Variants in TP63 observed in about 807,000 individuals in gnomAD.
TP63 encodes tumor protein p63.
Under a neutral mutation model 82.8 loss-of-function variants are expected in TP63, and 17 were observed. The ratio of observed to expected loss-of-function variants is 0.21; its 90% confidence interval spans 0.14 to 0.31. TP63 has a LOEUF of 0.31. Among genes scored for constraint, TP63 ranks in the 10% least tolerant of loss-of-function variants. The probability of loss-of-function intolerance (pLI) is 1.00; values close to 1 mark genes in which losing one functional copy is unlikely to be tolerated. For synonymous variants in TP63, 330 were observed against 321.7 expected (o/e 1.03, Z -0.28); for missense variants, 648 against 895.3 (o/e 0.72, Z 3.52).
chr3:189,773,760 T>G (rs1723552329), intron 3 of TP63, among the ~76,000 whole-genome samples: 1 of 152,102 alleles, frequency 6.6e-6, no homozygotes, highest in Non-Finnish European at 1.5e-5. Flanking sequence ...AGGGTATTTG[T>G]TAAATCATAG....
intron 3 of TP63, among the ~76,000 whole-genome samples, chr3:189,750,998 T>A (rs1442025946): frequency 6.6e-6 from 1 of 152,006 alleles, no homozygotes; most frequent in Admixed American, 6.6e-5. Flanking sequence ...GGCCCTGATG[T>A]GTGATGTTCC....
chr3:189,819,110 A>G (rs1273082172), intron 4 of TP63, among the ~76,000 whole-genome samples: 1 of 152,214 alleles, frequency 6.6e-6, no homozygotes, highest in African/African-American at 2.4e-5. Context: ...AGGAATTTGG[A>G]ATAACTTTTT....
chr3:189,642,547 T>G (rs1711988887), intron 1 of TP63, among the ~76,000 whole-genome samples: 1 of 137,118 alleles, frequency 7.3e-6, no homozygotes, highest in South Asian at 2.3e-4. Context: ...TATATGTCTA[T>G]TTTTTTTTTC....
At chr3:189,675,328 G>C (rs993435952) in intron 1 of TP63, among the ~76,000 whole-genome samples, 2 of 151,900 alleles carry the variant, frequency 1.3e-5, no homozygotes, top group African/African-American at 2.4e-5. Context: ...CAAGAAGACT[G>C]TCATCAGAAG....
intron 4 of TP63, among the ~76,000 whole-genome samples, chr3:189,832,152 A>G (rs1228982484): frequency 1.3e-5 from 2 of 152,086 alleles, no homozygotes; most frequent in African/African-American, 4.8e-5. Flanking sequence ...TAATAGAGGG[A>G]AATGAATCTT....
chr3:189,692,710 T>A (rs1402109419), intron 1 of TP63, among the ~76,000 whole-genome samples: 1 of 152,232 alleles, frequency 6.6e-6, no homozygotes, highest in Admixed American at 6.5e-5. Flanking sequence ...CACAGAATCA[T>A]TGATTCAGAG....
intron 12 of TP63, 138 bp downstream of exon 12, chr3:189,889,622 T>G: frequency 2.5e-6 from 3 of 1,187,956 alleles, no homozygotes; most frequent in Non-Finnish European, 3.6e-6. Context: ...CTATTATCTC[T>G]GATCTGTGGA....
chr3:189,628,260 G>T (rs931884760), upstream of TP63, among the ~76,000 whole-genome samples: 1 of 152,170 alleles, frequency 6.6e-6, no homozygotes, highest in Non-Finnish European at 1.5e-5. Flanking sequence ...GTGAATATGC[G>T]CAGATGGAGT....
chr3:189,770,169 A>G (rs554976529), intron 3 of TP63, among the ~76,000 whole-genome samples: 8 of 152,322 alleles, frequency 5.3e-5, no homozygotes, highest in African/African-American at 1.9e-4. Context: ...AATGCTGCAT[A>G]TTGCCTTGAT....
intron 4 of TP63, among the ~76,000 whole-genome samples, chr3:189,848,511 A>G (rs1715226862): frequency 6.6e-6 from 1 of 152,018 alleles, no homozygotes; most frequent in African/African-American, 2.4e-5. Context: ...GAGCCACTGA[A>G]CTTGGCCCCT....
intron 4 of TP63, among the ~76,000 whole-genome samples, chr3:189,841,894 T>C (rs1714173260): frequency 6.6e-6 from 1 of 152,174 alleles, no homozygotes; most frequent in South Asian, 2.1e-4. Context: ...TGAGGCTTTG[T>C]CTTGGACCAG....
intron 9 of TP63, among the ~76,000 whole-genome samples, chr3:189,870,568 C>G (rs1718298740): frequency 6.6e-6 from 1 of 152,136 alleles, no homozygotes; most frequent in African/African-American, 2.4e-5. Context: ...CAATGCTCTG[C>G]TGATATCAAA....
intron 1 of TP63, among the ~76,000 whole-genome samples, chr3:189,641,295 A>T (rs1045181712): frequency 6.6e-6 from 1 of 152,004 alleles, no homozygotes; most frequent in African/African-American, 2.4e-5. Flanking sequence ...AATAATCTTA[A>T]TTAAGTGTGA....
chr3:189,756,078 G>A (rs1342176131), intron 3 of TP63, among the ~76,000 whole-genome samples: 1 of 152,024 alleles, frequency 6.6e-6, no homozygotes. Flanking sequence ...TTCACCTAAG[G>A]TTAATCTTGA....
At chr3:189,857,433 CAT>C (rs1381835739) in intron 4 of TP63, among the ~76,000 whole-genome samples, 1 of 152,044 alleles carries the variant, frequency 6.6e-6, no homozygotes, top group Non-Finnish European at 1.5e-5. Flanking sequence ...TTGAAGAAAA[CAT>C]AGAAAATCCT....
At chr3:189,816,079 G>C (rs1728152721) in intron 4 of TP63, among the ~76,000 whole-genome samples, 1 of 152,076 alleles carries the variant, frequency 6.6e-6, no homozygotes, top group Non-Finnish European at 1.5e-5. Flanking sequence ...CTTAAAATTG[G>C]CCAAAGTTGC....
intron 4 of TP63, among the ~76,000 whole-genome samples, chr3:189,821,792 T>G (rs916562415): frequency 6.6e-6 from 1 of 152,226 alleles, no homozygotes; most frequent in African/African-American, 2.4e-5. Flanking sequence ...AAGTTCCTGA[T>G]TTAAAATGAA....
intron 3 of TP63, among the ~76,000 whole-genome samples, chr3:189,793,853 T>C (rs566551824): frequency 6.6e-6 from 1 of 152,098 alleles, no homozygotes; most frequent in Non-Finnish European, 1.5e-5. Flanking sequence ...TTTAGATGTA[T>C]GTTGAGGAAA....
In TP63 at chr3:189,665,865, A is replaced by G. The variant is rs58232801; in HGVS notation, c.62+34288A>G. Reference sequence around the variant, plus strand: ...AAAGGCTTGTCTTTTTTGTTTTTTAATTTTAAGCATAACTTTAATTATAGC... The same window carrying G: ...AAAGGCTTGTCTTTTTTGTTTTTTAGTTTTAAGCATAACTTTAATTATAGC... On this transcript the variant is annotated intron_variant, in intron 1 of 13. Transcript: ENST00000264731. 7.4e-3 allele frequency among the ~76,000 whole-genome samples: 1,129 copies of G among 152,060 alleles called. 15 individuals carry two copies. The highest frequency in any genetic ancestry group is 0.025 in the African/African-American group (1,051 of 41,532).
Sources: allele counts gnomAD v4.1 joint callset (sites outside exome capture counted in the v4.1 genomes callset), GRCh38; gene constraint gnomAD v4.1.1; transcripts MANE v1.5; gene names NCBI Gene and HGNC (gene_info 2026-07-23, HGNC 2026-07-21).